ADGRA3: variants seen among roughly 807,000 people sequenced by gnomAD.
ADGRA3 encodes the protein G-protein coupled receptor 125.
In ADGRA3, 56 loss-of-function variants were observed where a neutral mutation model predicts 119.8. The observed-to-expected ratio is 0.47, with a 90% CI of 0.38 to 0.58. The LOEUF (loss-of-function observed/expected upper bound fraction) is 0.58. ADGRA3 is among the 20% of genes least tolerant of loss of function. ADGRA3 has a pLI of 0.00. For missense variants in ADGRA3, 1,516 were observed against 1,649.0 expected (o/e 0.92, Z 1.40); for synonymous variants, 607 against 623.8 (o/e 0.97, Z 0.40).
At chr4:22,403,431 T>C (rs939401155) in intron 14 of ADGRA3, among the ~76,000 whole-genome samples, 3 of 151,902 alleles carry the variant, frequency 2.0e-5, no homozygotes, top group Admixed American at 6.6e-5. Flanking sequence ...GGAAGAGCCC[T>C]GTAAGAGCTC....
intron 10 of ADGRA3, among the ~76,000 whole-genome samples, chr4:22,428,949 A>T (rs1162342980): frequency 6.6e-6 from 1 of 152,156 alleles, no homozygotes; most frequent in African/African-American, 2.4e-5. Context: ...GTAACAGTGG[A>T]GGAACTGAAG....
intron 12 of ADGRA3, among the ~76,000 whole-genome samples, chr4:22,418,510 C>T (rs946744139): frequency 6.6e-6 from 1 of 152,090 alleles, no homozygotes; most frequent in African/African-American, 2.4e-5. Flanking sequence ...TAGCACAAGC[C>T]TGCTTGAGAA....
intron 16 of ADGRA3, among the ~76,000 whole-genome samples, chr4:22,398,733 C>T (rs1714478429): frequency 6.6e-6 from 1 of 152,060 alleles, no homozygotes; most frequent in African/African-American, 2.4e-5. Flanking sequence ...TGCTATAATT[C>T]ATTGGTTCTG....
At chr4:22,451,981 C>A (rs1717060891) in intron 4 of ADGRA3, among the ~76,000 whole-genome samples, 1 of 152,170 alleles carries the variant, frequency 6.6e-6, no homozygotes, top group African/African-American at 2.4e-5. Context: ...TGGCATATGG[C>A]CTGGCTCAAG....
rs189874551 is a variant in ADGRA3, at chr4:22,489,160, G to C, written c.258-15317C>G. On this transcript the variant is annotated intron_variant, in intron 1 of 18. Transcript: ENST00000334304. ...AAAGGCACATCCTACATGGCAGCAG[G>C]CAAGAGAGAATGAGAGCCAAGCAAC... Among the ~76,000 whole-genome samples, 695 of 152,238 alleles carry C rather than the reference G, an allele frequency of 4.6e-3. 5 individuals are homozygous for C. The highest frequency in any genetic ancestry group is 7.1e-3 in the South Asian group (34 of 4,814).
intron 2 of ADGRA3, among the ~76,000 whole-genome samples, chr4:22,471,777 C>A (rs1717865190): frequency 6.6e-6 from 1 of 152,220 alleles, no homozygotes; most frequent in Admixed American, 6.5e-5. Flanking sequence ...TCTCTGTGGT[C>A]CCAACAAAGG....
intron 11 of ADGRA3, among the ~76,000 whole-genome samples, chr4:22,421,945 G>A (rs1271962749): frequency 1.4e-5 from 2 of 141,764 alleles, no homozygotes; most frequent in Non-Finnish European, 3.0e-5. Flanking sequence ...AAGCAAATTA[G>A]GTCAGAAAAA....
At chr4:22,481,792 A>T (rs896971996) in intron 1 of ADGRA3, among the ~76,000 whole-genome samples, 1 of 152,194 alleles carries the variant, frequency 6.6e-6, no homozygotes, top group Non-Finnish European at 1.5e-5. Flanking sequence ...TTACTAATTG[A>T]TCTTTTACAG....
At chr4:22,501,001 C>T (rs1719031393) in intron 1 of ADGRA3, among the ~76,000 whole-genome samples, 1 of 152,124 alleles carries the variant, frequency 6.6e-6, no homozygotes, top group African/African-American at 2.4e-5. Context: ...CTTAAGCTTT[C>T]AGACCCAGCC....
chr4:22,402,580 G>T, intron 15 of ADGRA3, 95 bp downstream of exon 15: 1 of 1,278,416 alleles, frequency 7.8e-7, no homozygotes, highest in Non-Finnish European at 1.1e-6. Flanking sequence ...GGAAATACAG[G>T]ATGATAACAA....
Position 22,413,210 on chromosome 4 carries a change from TA to T in ADGRA3, c.2203del (p.Tyr735ThrfsTer9). Reference protein sequence around the residue: ...SDENITTIQCYSLSNYAVLMD... With the variant: ...SDENITTIQCXSLSNYAVLMD... ...TAAAACTGCATAGTTACTAAGGGAGTAGCACTGAATCGTAGTGATATTTTCA... is the reference window on the plus strand; with the variant it reads ...TAAAACTGCATAGTTACTAAGGGAGTGCACTGAATCGTAGTGATATTTTCA... On this transcript the variant is annotated frameshift_variant, in exon 14 of 19. Coordinates refer to ENST00000334304, the MANE Select transcript of ADGRA3 (RefSeq NM_145290.4). LOFTEE classifies it high-confidence loss of function. 6.2e-7 allele frequency: 1 copy of T among 1,613,364 alleles called. No homozygotes were observed. The highest frequency in any genetic ancestry group is 8.5e-7 in the Non-Finnish European group (1 of 1,179,682).
intron 15 of ADGRA3, among the ~76,000 whole-genome samples, chr4:22,402,400 C>T (rs541311053): frequency 6.6e-6 from 1 of 152,022 alleles, no homozygotes; most frequent in East Asian, 1.9e-4. Flanking sequence ...GCCTGTGACC[C>T]GCCCCACAGT....
chr4:22,446,479 A>G (rs763184064), intron 5 of ADGRA3, among the ~76,000 whole-genome samples: 8 of 152,150 alleles, frequency 5.3e-5, no homozygotes, highest in Non-Finnish European at 1.2e-4. Flanking sequence ...AGTCTTCTGG[A>G]TAAGAATGGT....
chr4:22,403,239 C>G (rs980858100), intron 14 of ADGRA3, among the ~76,000 whole-genome samples: 1 of 148,058 alleles, frequency 6.8e-6, no homozygotes. Context: ...TATCCGTAGC[C>G]AAGTTCAACT....
At chr4:22,476,545 T>C (rs758439456) in intron 1 of ADGRA3, among the ~76,000 whole-genome samples, 4 of 152,196 alleles carry the variant, frequency 2.6e-5, no homozygotes, top group African/African-American at 9.7e-5. Flanking sequence ...ATATCCTTGA[T>C]TGACAATATA....
At chr4:22,443,931 T>C (rs12511922) in intron 6 of ADGRA3, among the ~76,000 whole-genome samples, 1,591 of 152,280 alleles carry the variant, frequency 0.01, 61 homozygotes, top group East Asian at 0.074. Context: ...AAAAATATGA[T>C]AGCTTATTTC....
chr4:22,470,843 T>C (rs2109116599), intron 2 of ADGRA3, among the ~76,000 whole-genome samples: 1 of 152,290 alleles, frequency 6.6e-6, no homozygotes, highest in Non-Finnish European at 1.5e-5. Flanking sequence ...CTGAAGACGT[T>C]ACCACTGAGG....
At chr4:22,396,413 CAT>C (rs1239339923) in intron 16 of ADGRA3, among the ~76,000 whole-genome samples, 4 of 152,194 alleles carry the variant, frequency 2.6e-5, no homozygotes, top group Admixed American at 6.5e-5. Flanking sequence ...AACATGTACA[CAT>C]GAGGGCTCAG....
rs1714716668 is a variant in ADGRA3 at position 22,402,692 on chromosome 4, AC to A, written c.2339del (p.Ser780IlefsTer8). 3 of 1,613,644 alleles carry A rather than the reference AC, an allele frequency of 1.9e-6. No homozygotes were observed. Among genetic ancestry groups the A allele is most frequent in the Non-Finnish European group, 2.5e-6 (3 of 1,179,798 alleles). ...LLLCLLAVIV[S>X]YIYHHSLIRI... ...TTTCTTACCTGTGATGGTATATGTA[AC>A]TGACAATGACGGCTAAGAGACATAA... On this transcript the variant is annotated frameshift_variant, in exon 15 of 19. Transcript: ENST00000334304. LOFTEE classifies it high-confidence loss of function.
Sources: allele counts gnomAD v4.1 joint callset (sites outside exome capture counted in the v4.1 genomes callset), GRCh38; gene constraint gnomAD v4.1.1; transcripts MANE v1.5; gene names NCBI Gene and HGNC (gene_info 2026-07-23, HGNC 2026-07-21).